Variants in MIA2 observed in about 807,000 individuals in gnomAD.
The protein encoded by MIA2 is melanoma inhibitory activity protein 2.
A neutral mutation model predicts 167.8 loss-of-function variants in MIA2; 127 were observed. The ratio of observed to expected loss-of-function variants is 0.76; its 90% confidence interval spans 0.66 to 0.88. The LOEUF is 0.88. Ranked by LOEUF, MIA2 falls within the 40% of genes least tolerant of loss-of-function variation. The pLI is 0.00. For synonymous variants in MIA2, 552 were observed against 541.9 expected (o/e 1.02, Z -0.26); for missense variants, 1,690 against 1,624.7 (o/e 1.04, Z -0.69).
chr14:39,348,651 C>T, intron 27 of MIA2, 92 bp from the exon 28 acceptor site: 1 of 1,519,584 alleles, frequency 6.6e-7, no homozygotes, highest in East Asian at 2.3e-5. Context: ...GGAATGCTTT[C>T]TGTCTAGATG....
At chr14:39,325,292 A>G (rs12897272) in intron 24 of MIA2, among the ~76,000 whole-genome samples, 82,224 of 151,578 alleles carry the variant, frequency 0.54, 24,323 homozygotes, top group South Asian at 0.67. Flanking sequence ...TGGACAATAT[A>G]ATTTTGAGAA....
intron 25 of MIA2, among the ~76,000 whole-genome samples, chr14:39,340,026 A>T (rs1459333074): frequency 6.6e-6 from 1 of 152,108 alleles, no homozygotes; most frequent in Non-Finnish European, 1.5e-5. Flanking sequence ...AATTTTCTGT[A>T]GAGACGGGGC....
chr14:39,288,446 TA>T (rs1566746320), intron 9 of MIA2, among the ~76,000 whole-genome samples: 4,345 of 28,048 alleles, frequency 0.15, 969 homozygotes, highest in Non-Finnish European at 0.19. Context: ...TATATATATA[TA>T]TATATATATA....
intron 17 of MIA2, among the ~76,000 whole-genome samples, chr14:39,306,705 A>G (rs2063394702): frequency 6.6e-6 from 1 of 152,348 alleles, no homozygotes; most frequent in Non-Finnish European, 1.5e-5. Context: ...ACTGTTTCCA[A>G]AACTTCCCTC....
intron 25 of MIA2, among the ~76,000 whole-genome samples, chr14:39,343,823 G>C (rs1235867413): frequency 6.6e-6 from 1 of 152,074 alleles, no homozygotes; most frequent in Non-Finnish European, 1.5e-5. Flanking sequence ...GAGGGTGTGT[G>C]TATATGTGTG....
intron 6 of MIA2, among the ~76,000 whole-genome samples, chr14:39,259,814 C>A (rs561025123): frequency 3.3e-5 from 5 of 150,202 alleles, no homozygotes; most frequent in African/African-American, 1.2e-4. Flanking sequence ...ACCATTAACT[C>A]ATCATTTACA....
intron 9 of MIA2, 112 bp downstream of exon 9, chr14:39,279,649 G>A: frequency 2.9e-6 from 2 of 692,702 alleles, no homozygotes; most frequent in Non-Finnish European, 4.7e-6. Flanking sequence ...TGCAGAGTAT[G>A]AGAGTTCTCT....
chr14:39,303,091 TC>T (rs2152891674), intron 15 of MIA2, among the ~76,000 whole-genome samples: 1 of 152,324 alleles, frequency 6.6e-6, no homozygotes, highest in East Asian at 1.9e-4. Flanking sequence ...TATAAAATAA[TC>T]CTTTCTCTAT....
At chr14:39,278,276 A>C (rs2058458514) in intron 7 of MIA2, among the ~76,000 whole-genome samples, 1 of 152,066 alleles carries the variant, frequency 6.6e-6, no homozygotes, top group South Asian at 2.1e-4. Context: ...ATTTTGGGAA[A>C]TTTTTAATGC....
At chr14:39,272,647 C>T (rs2057353508) in intron 6 of MIA2, among the ~76,000 whole-genome samples, 1 of 152,120 alleles carries the variant, frequency 6.6e-6, no homozygotes, top group Non-Finnish European at 1.5e-5. Flanking sequence ...TGCCTGTAGT[C>T]CTGCTGCTTG....
Position 39,326,903 on chromosome 14 carries a change from C to A in MIA2, c.3536C>A (p.Thr1179Asn). The change falls in exon 25 of 29, where the codon ACC (threonine) becomes AAC (asparagine). Residue 1179 changes from threonine (T) to asparagine (N), a missense_variant. Thr to Asn is a moderately conservative substitution (Grantham distance 65). Coordinates refer to ENST00000640607, the MANE Select transcript of MIA2 (RefSeq NM_001329214.4). ...GGGAATCCTCTGGACCATCAGATTACCAATGAAAGAGGAGAATCAAGCTGT... is the reference window on the plus strand; with the variant it reads ...GGGAATCCTCTGGACCATCAGATTAACAATGAAAGAGGAGAATCAAGCTGT... ...GPGNPLDHQITNERGESSCDR... is the reference protein window; with the variant it reads ...GPGNPLDHQINNERGESSCDR... 1 of 1,595,758 alleles carries A rather than the reference C, an allele frequency of 6.3e-7. No homozygotes were observed. Among genetic ancestry groups the A allele is most frequent in the Non-Finnish European group, 8.5e-7 (1 of 1,172,394 alleles).
intron 24 of MIA2, among the ~76,000 whole-genome samples, chr14:39,323,823 CCTCTT>C (rs978089271): frequency 6.6e-6 from 1 of 152,080 alleles, no homozygotes; most frequent in Admixed American, 6.6e-5. Context: ...TTTGATTTCT[CCTCTT>C]CTATTTCCTC....
downstream of MIA2, among the ~76,000 whole-genome samples, chr14:39,356,289 T>C (rs985798797): frequency 3.3e-5 from 5 of 152,348 alleles, no homozygotes; most frequent in Non-Finnish European, 7.3e-5. Flanking sequence ...TGGGAGGCTG[T>C]ATGTATTGAG....
chr14:39,269,416 A>G (rs2056718339), intron 6 of MIA2, among the ~76,000 whole-genome samples: 1 of 151,886 alleles, frequency 6.6e-6, no homozygotes. Context: ...TGCATGTGTC[A>G]TGTAGTCATG....
At chr14:39,374,110 T>C (rs8010826) in intron 23 of MIA2, among the ~76,000 whole-genome samples, 141,599 of 152,310 alleles carry the variant, frequency 0.93, 65,918 homozygotes, top group East Asian at 0.96. Flanking sequence ...GGACAGAAGA[T>C]AGAATGAAAA....
chr14:39,373,132 C>T (rs149346294), intron 23 of MIA2, among the ~76,000 whole-genome samples: 4 of 152,120 alleles, frequency 2.6e-5, no homozygotes, highest in East Asian at 1.9e-4. Context: ...ACCCTAAATA[C>T]GTACATTTAT....
At chr14:39,357,545 C>T (rs1022716888) in intron 23 of MIA2, among the ~76,000 whole-genome samples, 1 of 152,120 alleles carries the variant, frequency 6.6e-6, no homozygotes, top group Admixed American at 6.5e-5. Flanking sequence ...GCATTTAGCC[C>T]ATTTACATTT....
At chr14:39,358,139 G>T (rs1014392101) in intron 23 of MIA2, among the ~76,000 whole-genome samples, 4 of 152,202 alleles carry the variant, frequency 2.6e-5, no homozygotes, top group Non-Finnish European at 5.9e-5. Context: ...ATAATATCCT[G>T]CAGAGTGTTT....
chr14:39,255,561 G>A (rs935410960), intron 6 of MIA2, among the ~76,000 whole-genome samples: 3 of 152,064 alleles, frequency 2.0e-5, no homozygotes, highest in East Asian at 3.8e-4. Context: ...CCCAGGTTAG[G>A]AGAAAAGAAA....
Sources: allele counts gnomAD v4.1 joint callset (sites outside exome capture counted in the v4.1 genomes callset), GRCh38; gene constraint gnomAD v4.1.1; transcripts MANE v1.5; gene names NCBI Gene and HGNC (gene_info 2026-07-23, HGNC 2026-07-21).